Variants in CFAP77 observed in about 807,000 individuals in gnomAD.
CFAP77 encodes the protein cilia- and flagella-associated protein 77.
In CFAP77, 25 loss-of-function variants were observed where a neutral mutation model predicts 31.1. That is an observed-to-expected ratio of 0.80 (90% CI 0.59 to 1.12). CFAP77 has a LOEUF of 1.12. CFAP77 is among the 50% of genes most tolerant of loss of function. CFAP77 has a pLI of 0.00. For synonymous variants in CFAP77, 151 were observed against 159.9 expected, an observed-to-expected ratio of 0.94 and a Z score of 0.42; for missense variants, 377 against 397.3, an observed-to-expected ratio of 0.95 and a Z score of 0.44.
intron 4 of CFAP77, among the ~76,000 whole-genome samples, chr9:132,540,122 G>T (rs1673607028): frequency 2.0e-5 from 3 of 152,098 alleles, no homozygotes; most frequent in African/African-American, 7.2e-5. Context: ...TAGAGACGGG[G>T]TCTCACCTTG....
chr9:132,438,740 G>T (rs939771679), intron 1 of CFAP77, among the ~76,000 whole-genome samples: 1 of 151,050 alleles, frequency 6.6e-6, no homozygotes, highest in African/African-American at 2.4e-5. Context: ...TCACCATGTT[G>T]CCCAGGCTGT....
intron 1 of CFAP77, among the ~76,000 whole-genome samples, chr9:132,491,221 A>G (rs1040674203): frequency 2.8e-4 from 42 of 152,336 alleles, no homozygotes; most frequent in African/African-American, 9.9e-4. Flanking sequence ...TAATCCCAGC[A>G]TTTTGGGAGG....
intron 1 of CFAP77, among the ~76,000 whole-genome samples, chr9:132,445,008 C>G (rs1469332321): frequency 6.9e-6 from 1 of 145,890 alleles, no homozygotes; most frequent in Non-Finnish European, 1.5e-5. Context: ...GGGTCTCACT[C>G]TGTTGCCCAG....
Position 132,490,062 on chromosome 9 carries a change from G to C in CFAP77, c.196-8633G>C, listed in dbSNP as rs1018174479. 3.9e-5 allele frequency among the ~76,000 whole-genome samples: 6 copies of C among 152,164 alleles called. No individual in the cohort carries two copies. Among genetic ancestry groups the C allele is most frequent in the Non-Finnish European group, 8.8e-5 (6 of 68,024 alleles). On this transcript the variant is annotated intron_variant, in intron 1 of 5. Transcript: ENST00000393216. This position sits in a 1 kb window ranked among gnomAD's most constrained non-coding sequence, Gnocchi z 4.6. Reference sequence around the variant, plus strand: ...GTGAGAGCCTAGTCTTTGCTTCCAAGATGGTGCCTTGGTGCTGTATCCCCC... The same window carrying C: ...GTGAGAGCCTAGTCTTTGCTTCCAACATGGTGCCTTGGTGCTGTATCCCCC...
At chr9:132,496,644 C>T (rs1182734199) in intron 1 of CFAP77, among the ~76,000 whole-genome samples, 1 of 152,210 alleles carries the variant, frequency 6.6e-6, no homozygotes, top group Non-Finnish European at 1.5e-5. Flanking sequence ...CAACTCTATC[C>T]ATGCTACCGC....
chr9:132,535,416 T>A (rs1313113678), intron 3 of CFAP77, among the ~76,000 whole-genome samples: 1 of 152,172 alleles, frequency 6.6e-6, no homozygotes, highest in Admixed American at 6.6e-5. Flanking sequence ...CAAATCTCTT[T>A]TAAAGTCACT....
chr9:132,429,690 C>CA (rs527868008), intron 1 of CFAP77, among the ~76,000 whole-genome samples: 27,074 of 129,402 alleles, frequency 0.21, 2,616 homozygotes, highest in East Asian at 0.34. Context: ...TAACAAAATA[C>CA]AAAAAAAAAA....
chr9:132,496,100 G>A (rs1196715519), intron 1 of CFAP77, among the ~76,000 whole-genome samples: 1 of 152,212 alleles, frequency 6.6e-6, no homozygotes, highest in Admixed American at 6.5e-5. Flanking sequence ...CCTGGGAAAA[G>A]AAGAGTGAGG....
At chr9:132,411,530 T>C (rs1366304103) in intron 1 of CFAP77, among the ~76,000 whole-genome samples, 1 of 152,110 alleles carries the variant, frequency 6.6e-6, no homozygotes, top group East Asian at 1.9e-4. Context: ...AGGCTGCACC[T>C]GGGGGAGGCT....
At chr9:132,417,447 C>T (rs1370794632) in intron 1 of CFAP77, among the ~76,000 whole-genome samples, 1 of 152,182 alleles carries the variant, frequency 6.6e-6, no homozygotes, top group Non-Finnish European at 1.5e-5. Flanking sequence ...CAAAAGATAT[C>T]GAAATAGGTT....
At chr9:132,562,595 T>C (rs748413361) in intron 5 of CFAP77, among the ~76,000 whole-genome samples, 34 of 152,362 alleles carry the variant, frequency 2.2e-4, no homozygotes, top group South Asian at 8.3e-4. Flanking sequence ...CACTGTCTAA[T>C]ATAACTTTCT....
chr9:132,411,040 C>T (rs1171868526), intron 1 of CFAP77, among the ~76,000 whole-genome samples: 1 of 152,242 alleles, frequency 6.6e-6, no homozygotes, highest in Non-Finnish European at 1.5e-5. Flanking sequence ...GGAGGCTCCG[C>T]AGACAAGAAT....
At chr9:132,540,583 T>G (rs918757326) in intron 4 of CFAP77, among the ~76,000 whole-genome samples, 5 of 152,186 alleles carry the variant, frequency 3.3e-5, no homozygotes, top group Admixed American at 2.0e-4. Flanking sequence ...GTCTTTCAGT[T>G]TTATGTGACA....
chr9:132,424,360 C>T lies in CFAP77; in HGVS notation c.195+13894C>T, dbSNP rs1850278569. On this transcript the variant is annotated intron_variant, in intron 1 of 5. Coordinates refer to ENST00000393216, the MANE Select transcript of CFAP77 (RefSeq NM_001282957.2). The surrounding 1 kb of genome is among the most constrained non-coding windows in gnomAD (Gnocchi z 4.1). ...GAAGTTGCAGTGGGCTGAGATCGTGCCACTGCACTCCAGCCTGGGCGACAG... is the reference window on the plus strand; with the variant it reads ...GAAGTTGCAGTGGGCTGAGATCGTGTCACTGCACTCCAGCCTGGGCGACAG... Among the ~76,000 whole-genome samples, 1 of 152,108 alleles carries T rather than the reference C, an allele frequency of 6.6e-6. No homozygotes were observed.
chr9:132,474,921 A>G (rs188720884), intron 1 of CFAP77, among the ~76,000 whole-genome samples: 5 of 152,352 alleles, frequency 3.3e-5, no homozygotes, highest in East Asian at 1.9e-4. Flanking sequence ...CTGCATTTTA[A>G]TAAGTCAATA....
chr9:132,513,327 T>C, intron 3 of CFAP77: 1 of 1,548,040 alleles, frequency 6.5e-7, no homozygotes, highest in Non-Finnish European at 8.7e-7. Flanking sequence ...ACTACCTGGA[T>C]TTAGCACGCT....
intron 1 of CFAP77, among the ~76,000 whole-genome samples, chr9:132,458,043 A>C (rs1246858057): frequency 7.9e-5 from 12 of 152,100 alleles, no homozygotes. Context: ...GTCATATTTT[A>C]TGATCCTATT....
intron 1 of CFAP77, among the ~76,000 whole-genome samples, chr9:132,475,441 G>T (rs1851334327): frequency 6.6e-6 from 1 of 152,196 alleles, no homozygotes; most frequent in South Asian, 2.1e-4. Flanking sequence ...ACCCAGGCTG[G>T]TTCCAGGCCA....
At chr9:132,419,468 A>C (rs927264361) in intron 1 of CFAP77, among the ~76,000 whole-genome samples, 1 of 152,234 alleles carries the variant, frequency 6.6e-6, no homozygotes, top group East Asian at 1.9e-4. Context: ...TGGGGCACCC[A>C]AAAAGGCAAC....
Sources: gnomAD v4.1 joint callset for allele counts (sites outside exome capture counted in the v4.1 genomes callset) on GRCh38, gnomAD v4.1.1 for gene constraint, Gnocchi (gnomAD v3.1) non-coding constraint, MANE v1.5 for transcripts, NCBI Gene and HGNC (gene_info 2026-07-23, HGNC 2026-07-21) for gene names.